The following EFNA5 variants were observed in gnomAD, a reference collection of about 807,000 sequenced individuals.
EFNA5 encodes ephrin A5.
EFNA5 carries 5 observed loss-of-function variants against 22.9 expected under a neutral mutation model. The observed-to-expected ratio is 0.22, with a 90% CI of 0.11 to 0.46. The LOEUF is 0.46. Ranked by LOEUF, EFNA5 falls within the 20% of genes least tolerant of loss-of-function variation. The probability of loss-of-function intolerance (pLI) is 0.99; values close to 1 mark genes in which losing one functional copy is unlikely to be tolerated. For missense variants in EFNA5, 237 were observed against 293.3 expected (o/e 0.81, Z 1.40); for synonymous variants, 113 against 112.2 (o/e 1.01, Z -0.04).
At chr5:107,610,908 C>T (rs1003373810) in intron 1 of EFNA5, among the ~76,000 whole-genome samples, 1 of 152,120 alleles carries the variant, frequency 6.6e-6, no homozygotes, top group South Asian at 2.1e-4. Context: ...ACGCAGGTTT[C>T]GATCTTTGCT....
intron 1 of EFNA5, among the ~76,000 whole-genome samples, chr5:107,592,102 ATT>A (rs532207371): frequency 0.032 from 3,586 of 113,176 alleles, 923 homozygotes; most frequent in African/African-American, 0.13. Context: ...ATAAAAATAT[ATT>A]TTATATATAT....
At chr5:107,540,480 T>C (rs1487911140) in intron 1 of EFNA5, among the ~76,000 whole-genome samples, 1 of 152,202 alleles carries the variant, frequency 6.6e-6, no homozygotes, top group Non-Finnish European at 1.5e-5. Context: ...GCCCTAATTT[T>C]ATGAAAACAG....
At chr5:107,490,563 G>A (rs1036649774) in intron 1 of EFNA5, among the ~76,000 whole-genome samples, 1 of 152,214 alleles carries the variant, frequency 6.6e-6, no homozygotes, top group South Asian at 2.1e-4. Flanking sequence ...CTGCCAGCGA[G>A]GGGGTGAAAT....
intron 1 of EFNA5, among the ~76,000 whole-genome samples, chr5:107,567,773 G>T (rs1212846625): frequency 2.0e-5 from 3 of 152,212 alleles, no homozygotes; most frequent in African/African-American, 4.8e-5. Context: ...GCATTTCTAG[G>T]ATATGCCAAG....
At chr5:107,399,323 A>T (rs1280024118) in intron 2 of EFNA5, among the ~76,000 whole-genome samples, 5 of 95,594 alleles carry the variant, frequency 5.2e-5, no homozygotes, top group Admixed American at 1.3e-4. Context: ...GGAAACGGAA[A>T]GGAAAGGAAA....
chr5:107,426,341 C>T (rs981091745), intron 2 of EFNA5, among the ~76,000 whole-genome samples: 1 of 152,220 alleles, frequency 6.6e-6, no homozygotes, highest in Non-Finnish European at 1.5e-5. Context: ...TATAATCTTG[C>T]TACTCAAAGT....
intron 1 of EFNA5, among the ~76,000 whole-genome samples, chr5:107,635,969 T>A (rs1239301880): frequency 2.0e-5 from 3 of 152,224 alleles, no homozygotes; most frequent in Non-Finnish European, 4.4e-5. Flanking sequence ...CATCAATGCT[T>A]AAAATATTTT....
intron 2 of EFNA5, among the ~76,000 whole-genome samples, chr5:107,411,940 A>G (rs1164855675): frequency 1.3e-5 from 2 of 152,134 alleles, no homozygotes; most frequent in African/African-American, 2.4e-5. Context: ...TGAATATAAT[A>G]CTCATCTGTG....
intron 4 of EFNA5, 97 bp downstream of exon 4, chr5:107,387,138 T>C: frequency 1.3e-6 from 1 of 788,834 alleles, no homozygotes; most frequent in South Asian, 2.0e-5. Context: ...ACAACAACTA[T>C]AACATGCAAA....
chr5:107,592,763 C>T (rs1749403203), intron 1 of EFNA5, among the ~76,000 whole-genome samples: 1 of 152,076 alleles, frequency 6.6e-6, no homozygotes, highest in African/African-American at 2.4e-5. Flanking sequence ...TGGAGCTGTA[C>T]ACAGACAGGG....
chr5:107,380,782 G>T lies in EFNA5; in HGVS notation c.*473C>A. ...GACATGGTGACATGATGCCCTGCGC[G>T]ATCATCTTACAGTTCTGAATGAGAA... On this transcript the variant is annotated 3_prime_UTR_variant, in exon 5 of 5. Coordinates refer to ENST00000333274, the MANE Select transcript of EFNA5 (RefSeq NM_001962.3). 1 of 399,964 alleles carries T rather than the reference G, an allele frequency of 2.5e-6. No individual in the cohort carries two copies. Among genetic ancestry groups the T allele is most frequent in the Non-Finnish European group, 4.4e-6 (1 of 226,918 alleles). The allele number at this position is 399,964 out of a possible 1,614,324, so 24.8% of individuals were successfully genotyped here. A position where few individuals can be genotyped will look rare whatever the true frequency, so the allele number is the denominator to read the frequency against.
At chr5:107,594,122 A>T (rs545759706) in intron 1 of EFNA5, among the ~76,000 whole-genome samples, 2 of 152,218 alleles carry the variant, frequency 1.3e-5, no homozygotes, top group African/African-American at 4.8e-5. Context: ...ACCTGGGTAT[A>T]TCTACCTCAT....
intron 1 of EFNA5, among the ~76,000 whole-genome samples, chr5:107,507,849 A>G (rs1747282945): frequency 6.6e-6 from 1 of 152,210 alleles, no homozygotes; most frequent in Admixed American, 6.5e-5. Context: ...TAGCTATTAG[A>G]AAACTGAAAA....
intron 1 of EFNA5, among the ~76,000 whole-genome samples, chr5:107,652,488 T>C (rs947999608): frequency 5.3e-5 from 8 of 152,156 alleles, no homozygotes; most frequent in African/African-American, 1.7e-4. Flanking sequence ...AGCAGAACAG[T>C]TTGATGATTG....
At chr5:107,430,482 T>C (rs1317727938) in intron 1 of EFNA5, among the ~76,000 whole-genome samples, 1 of 152,126 alleles carries the variant, frequency 6.6e-6, no homozygotes, top group Non-Finnish European at 1.5e-5. Flanking sequence ...AAAACTGCCA[T>C]TGTCTGGACC....
intron 1 of EFNA5, among the ~76,000 whole-genome samples, chr5:107,465,606 A>G (rs1272157040): frequency 1.3e-5 from 2 of 152,174 alleles, no homozygotes; most frequent in African/African-American, 4.8e-5. Context: ...AATCAAATAA[A>G]TAGGTAGTTA....
At chr5:107,434,248 C>T (rs1454070846) in intron 1 of EFNA5, among the ~76,000 whole-genome samples, 2 of 152,218 alleles carry the variant, frequency 1.3e-5, no homozygotes, top group African/African-American at 4.8e-5. Flanking sequence ...CTTGGTTCCT[C>T]TTTACTAAGG....
At chr5:107,608,040 G>A (rs1236393081) in intron 1 of EFNA5, among the ~76,000 whole-genome samples, 3 of 152,050 alleles carry the variant, frequency 2.0e-5, no homozygotes, top group African/African-American at 7.2e-5. Flanking sequence ...GGAAAACAAC[G>A]TTCAGCAACG....
chr5:107,454,158 TTTCCAAAAGTCCAAATGCA>T (rs1749631507), intron 1 of EFNA5, among the ~76,000 whole-genome samples: 1 of 152,180 alleles, frequency 6.6e-6, no homozygotes, highest in Admixed American at 6.6e-5. Flanking sequence ...ATATTCAGGC[TTTCCAAAAGTCCAAATGCA>T]TTCATATTTT....
Sources: allele counts gnomAD v4.1 joint callset (sites outside exome capture counted in the v4.1 genomes callset), GRCh38; gene constraint gnomAD v4.1.1; transcripts MANE v1.5; gene names NCBI Gene and HGNC (gene_info 2026-07-23, HGNC 2026-07-21).